PAPOLA: variants seen among roughly 807,000 people sequenced by gnomAD.
PAPOLA encodes the protein poly(A) polymerase alpha, also known as polynucleotide adenylyltransferase alpha.
Under a neutral mutation model 100.6 loss-of-function variants are expected in PAPOLA, and 15 were observed. The ratio of observed to expected loss-of-function variants is 0.15; its 90% confidence interval spans 0.10 to 0.23. PAPOLA has a LOEUF of 0.23. Ranked by LOEUF, PAPOLA falls within the 10% of genes least tolerant of loss-of-function variation. The pLI is 1.00. For missense variants in PAPOLA, 533 were observed against 884.2 expected, an observed-to-expected ratio of 0.60 and a Z score of 5.04; for synonymous variants, 293 against 300.0, an observed-to-expected ratio of 0.98 and a Z score of 0.24.
At chr14:96,559,314 T>C (rs1367107250) in intron 19 of PAPOLA, among the ~76,000 whole-genome samples, 3 of 151,862 alleles carry the variant, frequency 2.0e-5, no homozygotes, top group Non-Finnish European at 4.4e-5. Flanking sequence ...ATTGGGTCTT[T>C]TATTCTCTGC....
At chr14:96,526,505 T>A (rs1026802075) in intron 4 of PAPOLA, 7 of 152,282 alleles carry the variant, frequency 4.6e-5, no homozygotes, top group African/African-American at 9.7e-5. Context: ...GCTAATTTTT[T>A]AATTTTATTT....
At chr14:96,517,875 A>T (rs1399237096) in intron 1 of PAPOLA, among the ~76,000 whole-genome samples, 1 of 151,818 alleles carries the variant, frequency 6.6e-6, no homozygotes, top group Non-Finnish European at 1.5e-5. Flanking sequence ...TAATTTTTGT[A>T]TTTTTATTAG....
chr14:96,522,116 C>CTTTTTTTTT (rs754167531), intron 3 of PAPOLA, among the ~76,000 whole-genome samples: 49 of 57,840 alleles, frequency 8.5e-4, no homozygotes, highest in African/African-American at 1.4e-3. Context: ...TTCTTTCTTT[C>CTTTTTTTTT]TTTTTTTTTT....
rs112085245 is a variant in PAPOLA, at chr14:96,526,128, A to G, written c.331+737A>G. ...TACTTGTAGTTATTTCCTCTATGCA[A>G]ATAAATACACAATAAAAATGTTACC... On this transcript the variant is annotated intron_variant, in intron 4 of 21. Transcript: ENST00000216277. 235 of 152,350 alleles carry G rather than the reference A, an allele frequency of 1.5e-3. 1 individual carries two copies. The highest frequency in any genetic ancestry group is 5.5e-3 in the African/African-American group (229 of 41,578). 9.4% of individuals were successfully genotyped at this position (152,350 alleles called of 1,614,324 possible).
At chr14:96,555,234 A>T (rs1901207855) in intron 17 of PAPOLA, among the ~76,000 whole-genome samples, 4 of 140,296 alleles carry the variant, frequency 2.9e-5, no homozygotes, top group Admixed American at 7.0e-5. Context: ...TTTTAATAAT[A>T]TAGGTTTTTT....
intron 3 of PAPOLA, among the ~76,000 whole-genome samples, chr14:96,524,030 TCTGA>T (rs945585191): frequency 3.3e-5 from 5 of 152,128 alleles, no homozygotes; most frequent in Admixed American, 6.5e-5. Context: ...AACAGGAGTC[TCTGA>T]CTGTTTAGAA....
chr14:96,559,581 C>CTCTCTCTATA lies in PAPOLA; in HGVS notation c.2005-1067_2005-1066insCTCTCTATAT, dbSNP rs370979875. 9.0e-3 allele frequency among the ~76,000 whole-genome samples: 1,084 copies of CTCTCTCTATA among 120,116 alleles called. 12 individuals carry two copies. The highest frequency in any genetic ancestry group is 0.02 in the African/African-American group (591 of 29,784). 78.8% of individuals were successfully genotyped at this position (120,116 alleles called of 152,430 possible). On this transcript the variant is annotated intron_variant, in intron 19 of 21. Transcript: ENST00000216277. ...TCTCTCTCTCTCTCTCTCTCTCTCT[C>CTCTCTCTATA]TATATATATATATATACACACACAC...
chr14:96,528,781 A>G (rs1250798525), intron 6 of PAPOLA, among the ~76,000 whole-genome samples: 1 of 152,168 alleles, frequency 6.6e-6, no homozygotes, highest in Admixed American at 6.5e-5. Context: ...GGCTGCATCT[A>G]AGGTTGCTGC....
At chr14:96,514,168 T>C (rs1457317538) in intron 1 of PAPOLA, among the ~76,000 whole-genome samples, 3 of 151,672 alleles carry the variant, frequency 2.0e-5, no homozygotes, top group Non-Finnish European at 4.4e-5. Context: ...TTGCACTATT[T>C]GCATTAGGTA....
At chr14:96,521,605 C>G (rs768760143) in intron 3 of PAPOLA, among the ~76,000 whole-genome samples, 2 of 152,018 alleles carry the variant, frequency 1.3e-5, no homozygotes, top group Non-Finnish European at 2.9e-5. Flanking sequence ...TCCTCCTGGC[C>G]TCAGCCTCCC....
At chr14:96,554,613 A>G (rs1317110863) in intron 17 of PAPOLA, among the ~76,000 whole-genome samples, 1 of 152,120 alleles carries the variant, frequency 6.6e-6, no homozygotes, top group Non-Finnish European at 1.5e-5. Context: ...AGAGAGAAAG[A>G]GAGACAGACA....
chr14:96,507,215 A>G (rs999745976), intron 1 of PAPOLA, among the ~76,000 whole-genome samples: 2 of 152,112 alleles, frequency 1.3e-5, no homozygotes, highest in African/African-American at 2.4e-5. Flanking sequence ...TTTAGCCAGA[A>G]TTAAAGAGAT....
intron 1 of PAPOLA, among the ~76,000 whole-genome samples, chr14:96,516,522 AGATGG>A (rs554996308): frequency 6.6e-6 from 1 of 152,090 alleles, no homozygotes; most frequent in South Asian, 2.1e-4. Flanking sequence ...TTTTTCATAG[AGATGG>A]GTGTCTTGCT....
chr14:96,542,418 A>G, intron 13 of PAPOLA, 122 bp downstream of exon 13: 1 of 652,682 alleles, frequency 1.5e-6, no homozygotes, highest in Non-Finnish European at 2.7e-6. Flanking sequence ...TTTGTTCACA[A>G]ATGGAGCTTT....
intron 11 of PAPOLA, 87 bp from the exon 12 acceptor site, chr14:96,536,889 G>A (rs1899584802): frequency 2.7e-6 from 2 of 750,816 alleles, no homozygotes; most frequent in Non-Finnish European, 4.7e-6. Context: ...TAGGATTATA[G>A]TGAGTGCATG....
Position 96,535,865 on chromosome 14 carries a change from G to A in PAPOLA, c.910-14G>A. 6.4e-7 allele frequency: 1 copy of A among 1,552,918 alleles called. No homozygotes were observed. Among genetic ancestry groups the A allele is most frequent in the Non-Finnish European group, 8.7e-7 (1 of 1,148,864 alleles). ...ATGTACTTGAAGAAACTGATTGGCT[G>A]TTGTTGTATGTAGGTAAACCCCAGT... On this transcript the variant is annotated splice_polypyrimidine_tract_variant and intron_variant, in intron 10 of 21. Transcript: ENST00000216277.
rs759459309 is a variant in PAPOLA at position 96,502,460 on chromosome 14, G to A, written c.-133G>A. ...GAGAAGCGCTTAAAGCGGCGGGAGC[G>A]GTGCGGGAGAGGGGTTGGACCCAGG... On this transcript the variant is annotated 5_prime_UTR_variant, in exon 1 of 22. Transcript: ENST00000216277. The A allele has an allele frequency of 1.1e-5, 8 of 719,216 alleles. No individual in the cohort carries two copies. The highest frequency in any genetic ancestry group is 2.3e-5 in the Admixed American group (1 of 43,622). The allele number at this position is 719,216 out of a possible 1,614,324, so 44.6% of individuals were successfully genotyped here.
intron 15 of PAPOLA, among the ~76,000 whole-genome samples, chr14:96,547,347 G>A (rs1900473405): frequency 6.6e-6 from 1 of 152,072 alleles, no homozygotes; most frequent in South Asian, 2.1e-4. Context: ...TATGTCATTA[G>A]TTAGTTTTAT....
intron 14 of PAPOLA, 124 bp downstream of exon 14, chr14:96,543,017 T>C (rs1900118107): frequency 1.0e-6 from 1 of 957,154 alleles, no homozygotes; most frequent in South Asian, 1.6e-5. Context: ...ATAGACAATT[T>C]AGAACTTATA....
Sources: gnomAD v4.1 joint callset for allele counts (sites outside exome capture counted in the v4.1 genomes callset) on GRCh38, gnomAD v4.1.1 for gene constraint, MANE v1.5 for transcripts, NCBI Gene and HGNC (gene_info 2026-07-23, HGNC 2026-07-21) for gene names.